Variants in MAP4K3 observed in about 807,000 individuals in gnomAD.
MAP4K3 encodes the protein mitogen-activated protein kinase kinase kinase kinase 3, also known as MAPK/ERK kinase kinase kinase 3.
A neutral mutation model predicts 143.5 loss-of-function variants in MAP4K3; 94 were observed. The ratio of observed to expected loss-of-function variants is 0.65; its 90% CI spans 0.55 to 0.78. MAP4K3 has a LOEUF of 0.78. MAP4K3 is among the 30% of genes least tolerant of loss of function. The pLI is 0.00. For synonymous variants in MAP4K3, 416 were observed against 347.2 expected (o/e 1.20, Z -2.20); for missense variants, 1,077 against 1,068.1 (o/e 1.01, Z -0.12).
intron 14 of MAP4K3, 68 bp from the exon 15 acceptor site, chr2:39,308,073 G>A (rs1041981148): frequency 5.4e-6 from 6 of 1,121,132 alleles, no homozygotes; most frequent in Middle Eastern, 2.0e-4. Flanking sequence ...TTCACAAAGG[G>A]AAACTTTCAC....
chr2:39,251,673 A>C (rs1359058879), intron 33 of MAP4K3, among the ~76,000 whole-genome samples, 157 bp downstream of exon 33: 1 of 152,238 alleles, frequency 6.6e-6, no homozygotes, highest in Non-Finnish European at 1.5e-5. Flanking sequence ...GTACATTTTC[A>C]AAGGCTAACT....
chr2:39,421,096 C>G (rs1667533350), intron 1 of MAP4K3, among the ~76,000 whole-genome samples: 1 of 152,218 alleles, frequency 6.6e-6, no homozygotes, highest in Admixed American at 6.5e-5. Flanking sequence ...CCACTCTCCA[C>G]CACATCCATC....
chr2:39,406,335 G>T (rs1281324336), intron 1 of MAP4K3, among the ~76,000 whole-genome samples: 1 of 152,104 alleles, frequency 6.6e-6, no homozygotes, highest in Non-Finnish European at 1.5e-5. Context: ...GATAAGCAGA[G>T]AACTTCCTAA....
intron 3 of MAP4K3, among the ~76,000 whole-genome samples, chr2:39,347,416 T>C (rs1172297641): frequency 2.0e-5 from 3 of 152,190 alleles, no homozygotes; most frequent in Non-Finnish European, 4.4e-5. Flanking sequence ...GTTCTTAAGA[T>C]GCAAGCAACT....
At chr2:39,355,669 C>T (rs1665591393) in intron 3 of MAP4K3, among the ~76,000 whole-genome samples, 1 of 152,176 alleles carries the variant, frequency 6.6e-6, no homozygotes, top group African/African-American at 2.4e-5. Context: ...AGATTTGACC[C>T]TAAGGTGATC....
intron 1 of MAP4K3, among the ~76,000 whole-genome samples, chr2:39,414,367 A>G (rs1381681302): frequency 6.6e-6 from 1 of 152,226 alleles, no homozygotes; most frequent in African/African-American, 2.4e-5. Flanking sequence ...TAGTTTTCAC[A>G]AACTATTGCG....
chr2:39,324,722 A>G (rs1193381163), intron 12 of MAP4K3, among the ~76,000 whole-genome samples: 1 of 152,206 alleles, frequency 6.6e-6, no homozygotes, highest in African/African-American at 2.4e-5. Flanking sequence ...TACAGACCCA[A>G]TAACAGAATT....
At chr2:39,314,115 G>A (rs550440680) in intron 13 of MAP4K3, among the ~76,000 whole-genome samples, 4 of 151,666 alleles carry the variant, frequency 2.6e-5, no homozygotes, top group South Asian at 4.2e-4. Flanking sequence ...CTGCAAACTC[G>A]GCCTCCCAGG....
intron 2 of MAP4K3, among the ~76,000 whole-genome samples, chr2:39,358,633 T>G (rs1355299335): frequency 6.6e-6 from 1 of 152,040 alleles, no homozygotes; most frequent in Non-Finnish European, 1.5e-5. Context: ...AACATTTTTG[T>G]GGGAAAAAAA....
chr2:39,332,575 T>C (rs976455254), intron 7 of MAP4K3, among the ~76,000 whole-genome samples: 5 of 152,050 alleles, frequency 3.3e-5, no homozygotes, highest in African/African-American at 9.7e-5. Context: ...TATTTTCTAG[T>C]TTACTAATGA....
intron 1 of MAP4K3, among the ~76,000 whole-genome samples, chr2:39,407,378 T>C (rs1290661568): frequency 1.3e-5 from 2 of 149,032 alleles, no homozygotes; most frequent in African/African-American, 4.9e-5. Flanking sequence ...GATTTAAAGT[T>C]GAAGAATGCC....
chr2:39,436,025 A>G (rs1377216850), intron 1 of MAP4K3, among the ~76,000 whole-genome samples: 1 of 152,222 alleles, frequency 6.6e-6, no homozygotes, highest in Non-Finnish European at 1.5e-5. Flanking sequence ...AACTTCAGTT[A>G]CCAGTAAGAA....
At chr2:39,329,093 T>A (rs1477513515) in intron 8 of MAP4K3, among the ~76,000 whole-genome samples, 3 of 152,164 alleles carry the variant, frequency 2.0e-5, no homozygotes, top group African/African-American at 7.2e-5. Flanking sequence ...TTTCACATGT[T>A]CCCAAGATAT....
At chr2:39,396,754 T>C (rs1666819894) in intron 1 of MAP4K3, among the ~76,000 whole-genome samples, 1 of 152,204 alleles carries the variant, frequency 6.6e-6, no homozygotes, top group Non-Finnish European at 1.5e-5. Flanking sequence ...ATTACAGACG[T>C]GAGCCACCGC....
chr2:39,348,961 T>A (rs1045928381), intron 3 of MAP4K3, among the ~76,000 whole-genome samples: 1 of 152,170 alleles, frequency 6.6e-6, no homozygotes, highest in East Asian at 1.9e-4. Context: ...TATAGCATAA[T>A]TTAAACAGCA....
At position 39,260,656 on chromosome 2, in the gene MAP4K3, C is replaced by T. The variant is rs764250055; in HGVS notation, c.2258G>A (p.Arg753Gln). Residue 753 changes from arginine to glutamine, a missense_variant, in exon 29 of 34, where the codon CGA becomes CAA. Physicochemically the swap from Arg to Gln is conservative, Grantham distance 43. Around this residue, in one of 2 missense-constraint regions of MAP4K3, gnomAD observed 864 missense variants for 801.2 expected, o/e 1.08. Transcript: ENST00000263881. The stretch of plus-strand genomic sequence containing the variant: ...AGAATTTGGATTGACCGTCTCAAAT[C>T]GAACCACTTGGTTGAAGTCTCTACC... ...SRGRDFNQVV[R>Q]FETVNPNSTS... The T allele has an allele frequency of 2.5e-5, 40 of 1,614,068 alleles. No individual in the cohort carries two copies. The East Asian group carries it at 3.6e-4, about 14-fold the overall frequency.
chr2:39,385,677 T>G (rs894428093), intron 1 of MAP4K3, among the ~76,000 whole-genome samples: 1 of 149,872 alleles, frequency 6.7e-6, no homozygotes, highest in Non-Finnish European at 1.5e-5. Context: ...TCGCCCAGGC[T>G]AGGGTGCAAT....
intron 18 of MAP4K3, among the ~76,000 whole-genome samples, chr2:39,291,906 T>C (rs1263256968): frequency 2.0e-5 from 3 of 152,002 alleles, no homozygotes; most frequent in African/African-American, 7.2e-5. Flanking sequence ...AATTGTAATA[T>C]GATGAAGCAC....
chr2:39,396,739 C>T (rs1666819395), intron 1 of MAP4K3, among the ~76,000 whole-genome samples: 1 of 152,144 alleles, frequency 6.6e-6, no homozygotes, highest in Non-Finnish European at 1.5e-5. Flanking sequence ...TCCCAAAGTG[C>T]TGGGATTACA....
Sources: allele counts gnomAD v4.1 joint callset (sites outside exome capture counted in the v4.1 genomes callset), GRCh38; gene constraint gnomAD v4.1.1; regional missense constraint gnomAD v4.1.1; transcripts MANE v1.5; gene names NCBI Gene and HGNC (gene_info 2026-07-23, HGNC 2026-07-21).